Variants in TPH2 observed in about 807,000 individuals in gnomAD.
The protein encoded by TPH2 is tryptophan hydroxylase 2.
A neutral mutation model predicts 59.1 loss-of-function variants in TPH2; 27 were observed. That is an observed-to-expected ratio of 0.46 (90% CI 0.34 to 0.63). The LOEUF is 0.63. Among genes scored for constraint, TPH2 ranks in the 30% least tolerant of loss-of-function variants. The probability of loss-of-function intolerance (pLI) is 0.01; values close to 1 mark genes in which losing one functional copy is unlikely to be tolerated. For synonymous variants in TPH2, 220 were observed against 210.5 expected (o/e 1.05, Z -0.39); for missense variants, 523 against 588.3 (o/e 0.89, Z 1.15).
chr12:72,005,629 A>G (rs1387349882), intron 8 of TPH2, among the ~76,000 whole-genome samples: 2 of 152,200 alleles, frequency 1.3e-5, no homozygotes, highest in Non-Finnish European at 1.5e-5. Context: ...GAAAGTCTTT[A>G]TCTTTTATAT....
At chr12:72,019,886 C>G (rs552159187) in intron 8 of TPH2, among the ~76,000 whole-genome samples, 1 of 152,234 alleles carries the variant, frequency 6.6e-6, no homozygotes, top group East Asian at 1.9e-4. Flanking sequence ...AACTACAACC[C>G]CGGGGTTGGA....
chr12:71,993,306 C>T (rs1872621350), intron 7 of TPH2, among the ~76,000 whole-genome samples: 1 of 152,162 alleles, frequency 6.6e-6, no homozygotes, highest in African/African-American at 2.4e-5. Flanking sequence ...TGTATTCTAG[C>T]AGCTATTTGA....
chr12:71,983,380 TC>T lies in TPH2; in HGVS notation c.941+4295del, dbSNP rs561200078. On this transcript the variant is annotated intron_variant, in intron 7 of 10. Transcript: ENST00000333850. The stretch of plus-strand genomic sequence containing the variant: ...TGGGTAATGAAGTTTGCAAATGATT[TC>T]CTTTAAAAAAAATCAATTGGGCCAA... 1.2e-3 allele frequency among the ~76,000 whole-genome samples: 185 copies of T among 152,218 alleles called. 1 individual carries two copies. The highest frequency in any genetic ancestry group is 2.5e-3 in the South Asian group (12 of 4,806).
intron 5 of TPH2, among the ~76,000 whole-genome samples, chr12:71,959,391 G>T (rs115510172): frequency 6.6e-6 from 1 of 152,078 alleles, no homozygotes; most frequent in Non-Finnish European, 1.5e-5. Flanking sequence ...CCTGCTTCTC[G>T]CGTCCTAGTG....
rs777588532 is a variant in TPH2 at position 72,031,725 on chromosome 12, T to C, written c.*30T>C. On this transcript the variant is annotated 3_prime_UTR_variant, in exon 11 of 11. Transcript: ENST00000333850. ...TGGAACTATGTTGTTGCCAGCATGA[T>C]CTTTTTGGGGCTTAGCAGCAGTTCA... 17 of 1,612,870 alleles carry C rather than the reference T, an allele frequency of 1.1e-5. No individual in the cohort carries two copies. Among genetic ancestry groups the C allele is most frequent in the Non-Finnish European group, 1.4e-5 (17 of 1,179,028 alleles).
intron 9 of TPH2, among the ~76,000 whole-genome samples, chr12:72,027,158 G>A (rs1438612460): frequency 6.6e-6 from 1 of 152,132 alleles, no homozygotes; most frequent in Non-Finnish European, 1.5e-5. Flanking sequence ...GAAAAAGCAG[G>A]TGTCTGGGAA....
At chr12:72,010,194 A>C (rs554458428) in intron 8 of TPH2, among the ~76,000 whole-genome samples, 1 of 152,270 alleles carries the variant, frequency 6.6e-6, no homozygotes, top group African/African-American at 2.4e-5. Context: ...ACCACATTAC[A>C]TCACTTTCGT....
intron 5 of TPH2, among the ~76,000 whole-genome samples, chr12:71,952,689 A>G (rs867079385): frequency 7.2e-5 from 11 of 151,990 alleles, no homozygotes; most frequent in African/African-American, 2.4e-4. Flanking sequence ...GCAGCATTGG[A>G]CTCCAATAGT....
At chr12:72,015,304 T>G (rs1385085029) in intron 8 of TPH2, among the ~76,000 whole-genome samples, 2 of 151,368 alleles carry the variant, frequency 1.3e-5, no homozygotes, top group African/African-American at 2.4e-5. Context: ...TATGTGGTTT[T>G]TTTTTTGGTT....
intron 5 of TPH2, among the ~76,000 whole-genome samples, chr12:71,967,368 A>G (rs1025750688): frequency 5.3e-5 from 8 of 152,214 alleles, no homozygotes; most frequent in African/African-American, 1.9e-4. Flanking sequence ...ATCTCTGAGT[A>G]ACATAATCCA....
At chr12:72,002,984 C>G in intron 8 of TPH2, among the ~76,000 whole-genome samples, 1 of 152,108 alleles carries the variant, frequency 6.6e-6, no homozygotes, top group East Asian at 1.9e-4. Context: ...AACTAATAAT[C>G]AACTATAATT....
intron 9 of TPH2, among the ~76,000 whole-genome samples, 196 bp downstream of exon 9, chr12:72,022,690 T>C (rs1873453204): frequency 6.6e-6 from 1 of 152,224 alleles, no homozygotes; most frequent in Non-Finnish European, 1.5e-5. Context: ...TCTGGATTTG[T>C]GGTGTGACTC....
At chr12:71,952,851 C>T (rs750938705) in intron 5 of TPH2, among the ~76,000 whole-genome samples, 1 of 152,212 alleles carries the variant, frequency 6.6e-6, no homozygotes, top group East Asian at 1.9e-4. Flanking sequence ...GTACCTCACA[C>T]ATCGCCCAAC....
At chr12:72,024,462 A>G (rs563931416) in intron 9 of TPH2, among the ~76,000 whole-genome samples, 12 of 152,374 alleles carry the variant, frequency 7.9e-5, no homozygotes, top group African/African-American at 2.9e-4. Context: ...TAAATTCTCA[A>G]CAAAGAATCT....
At chr12:72,022,330 T>C (rs1873441505) in intron 8 of TPH2, 69 bp from the exon 9 acceptor site, 1 of 1,078,590 alleles carries the variant, frequency 9.3e-7, no homozygotes, top group Non-Finnish European at 1.4e-6. Context: ...CATTTTGTTT[T>C]GGGTGCCATT....
intron 8 of TPH2, among the ~76,000 whole-genome samples, chr12:72,007,558 G>A (rs1445431160): frequency 6.6e-6 from 1 of 152,094 alleles, no homozygotes; most frequent in African/African-American, 2.4e-5. Context: ...AGAAGCCATT[G>A]GAAGAGTTCT....
At chr12:71,948,316 T>C (rs1158951882) in intron 4 of TPH2, among the ~76,000 whole-genome samples, 1 of 152,182 alleles carries the variant, frequency 6.6e-6, no homozygotes, top group East Asian at 1.9e-4. Context: ...TAAAAGAAAG[T>C]GCTAGTTTCT....
At chr12:71,989,949 GTT>G (rs10716615) in intron 7 of TPH2, among the ~76,000 whole-genome samples, 4 of 26,962 alleles carry the variant, frequency 1.5e-4, no homozygotes, top group African/African-American at 1.9e-4. Context: ...TCAGCTCTTG[GTT>G]TTTTTTTTTT....
intron 8 of TPH2, among the ~76,000 whole-genome samples, chr12:72,010,798 AGAGC>A (rs1873081049): frequency 6.6e-6 from 1 of 152,186 alleles, no homozygotes; most frequent in South Asian, 2.1e-4. Flanking sequence ...CTAGCATTCG[AGAGC>A]TGACCTTTAA....
Sources: gnomAD v4.1 joint callset for allele counts (sites outside exome capture counted in the v4.1 genomes callset) on GRCh38, gnomAD v4.1.1 for gene constraint, MANE v1.5 for transcripts, NCBI Gene and HGNC (gene_info 2026-07-23, HGNC 2026-07-21) for gene names.